The following WDR27 variants were observed in gnomAD, a reference collection of about 807,000 sequenced individuals.
WDR27 encodes WD repeat-containing protein 27.
Under a neutral mutation model 114.4 loss-of-function variants are expected in WDR27, and 100 were observed. That is an observed-to-expected ratio of 0.87 (90% CI 0.74 to 1.03). The LOEUF (loss-of-function observed/expected upper bound fraction) is 1.03. Ranked by LOEUF, WDR27 falls within the 50% of genes least tolerant of loss-of-function variation. The probability of loss-of-function intolerance (pLI) is 0.00; values close to 1 mark genes in which losing one functional copy is unlikely to be tolerated. For synonymous variants in WDR27, 449 were observed against 423.1 expected (o/e 1.06, Z -0.75); for missense variants, 1,129 against 1,092.9 (o/e 1.03, Z -0.47).
chr6:169,657,078 A>T (rs936301018), intron 13 of WDR27, among the ~76,000 whole-genome samples: 3 of 152,122 alleles, frequency 2.0e-5, no homozygotes, highest in African/African-American at 7.2e-5. Flanking sequence ...TCTTTCATGG[A>T]AACAGGGCGG....
chr6:169,427,808 C>T, the WDR27 span, among the ~76,000 whole-genome samples: 1 of 98,404 alleles, frequency 1.0e-5, no homozygotes, highest in South Asian at 2.7e-4. Flanking sequence ...CAAACAACAA[C>T]CAAAAAAAAA....
At chr6:169,662,897 G>A (rs1234540045) in intron 8 of WDR27, among the ~76,000 whole-genome samples, 2 of 144,998 alleles carry the variant, frequency 1.4e-5, no homozygotes, top group African/African-American at 5.2e-5. Flanking sequence ...AAAGCACTAA[G>A]GTAACACCCA....
chr6:169,482,126 T>A (rs574496081), intron 25 of WDR27, among the ~76,000 whole-genome samples: 5 of 152,234 alleles, frequency 3.3e-5, no homozygotes, highest in Non-Finnish European at 7.3e-5. Flanking sequence ...AAGGACATGA[T>A]CTTATCTTTT....
At chr6:169,443,908 C>T in the WDR27 span, among the ~76,000 whole-genome samples, 1 of 152,290 alleles carries the variant, frequency 6.6e-6, no homozygotes, top group East Asian at 1.9e-4. Context: ...GCATTGCCAC[C>T]TCCAGCAAGG....
At chr6:169,529,297 C>T (rs1376987409) in intron 25 of WDR27, among the ~76,000 whole-genome samples, 7 of 87,594 alleles carry the variant, frequency 8.0e-5, no homozygotes, top group African/African-American at 1.6e-4. Context: ...AGCACGTTAA[C>T]GGTGGTGACC....
intron 25 of WDR27, among the ~76,000 whole-genome samples, chr6:169,531,304 C>T (rs1209574810): frequency 2.0e-5 from 3 of 152,056 alleles, no homozygotes; most frequent in Non-Finnish European, 4.4e-5. Flanking sequence ...GGAGTTCATT[C>T]GTGTTGATTC....
chr6:169,426,835 C>A, the WDR27 span: 1 of 153,174 alleles, frequency 6.5e-6, no homozygotes, highest in South Asian at 2.1e-4. Context: ...CACACCCACT[C>A]AGCACCTGCC....
intron 8 of WDR27, chr6:169,663,729 T>C (rs1827000384): frequency 1.2e-5 from 2 of 171,708 alleles, no homozygotes. Flanking sequence ...GGAGACCAGG[T>C]GAGGATGTGA....
intron 17 of WDR27, among the ~76,000 whole-genome samples, chr6:169,641,619 T>C (rs1165424744): frequency 6.6e-6 from 1 of 152,184 alleles, no homozygotes; most frequent in African/African-American, 2.4e-5. Context: ...GAGGCCGGCG[T>C]GGGCAGTCCC....
intron 25 of WDR27, among the ~76,000 whole-genome samples, chr6:169,510,134 G>A (rs1326745464): frequency 6.6e-6 from 1 of 152,174 alleles, no homozygotes; most frequent in Non-Finnish European, 1.5e-5. Flanking sequence ...GGAAACAACA[G>A]GTGCTGGAGA....
At chr6:169,573,101 T>A (rs10945441) in intron 24 of WDR27, among the ~76,000 whole-genome samples, 71,587 of 151,846 alleles carry the variant, frequency 0.47, 20,215 homozygotes, top group Non-Finnish European at 0.65. Context: ...AGCCCGAGCC[T>A]CCCGGGGTGC....
At chr6:169,677,826 G>A (rs1046882680) in intron 2 of WDR27, among the ~76,000 whole-genome samples, 1 of 152,258 alleles carries the variant, frequency 6.6e-6, no homozygotes, top group Non-Finnish European at 1.5e-5. Flanking sequence ...GAGGACCCCA[G>A]ATACAGCTTG....
At position 169,516,788 on chromosome 6, in the gene WDR27, AACACACACAC is replaced by A. The variant is rs3032851; in HGVS notation, c.2645+55621_2645+55630del. On this transcript the variant is annotated intron_variant, in intron 25 of 25. Coordinates refer to ENST00000448612, the MANE Select transcript of WDR27 (RefSeq NM_182552.5). ...TGGCTGAGAGTTAAAGGCATGCTCC[AACACACACAC>A]ACACACACACACACACACACACACA... is the stretch of plus-strand genomic sequence containing the variant. Among the ~76,000 whole-genome samples the A allele has an allele frequency of 3.8e-3, 450 of 119,322 alleles. 2 individuals are homozygous for A. The highest frequency in any genetic ancestry group is 0.012 in the South Asian group (38 of 3,204). The allele number at this position is 119,322 out of a possible 152,430, so 78.3% of individuals were successfully genotyped here.
intron 25 of WDR27, among the ~76,000 whole-genome samples, chr6:169,477,719 C>A (rs1713739997): frequency 6.6e-6 from 1 of 152,140 alleles, no homozygotes; most frequent in Admixed American, 6.6e-5. Context: ...AAGGCGTGAT[C>A]CACTGTGCCT....
At chr6:169,436,384 T>G in the WDR27 span, among the ~76,000 whole-genome samples, 1 of 152,162 alleles carries the variant, frequency 6.6e-6, no homozygotes, top group Non-Finnish European at 1.5e-5. Flanking sequence ...CAAAATAATT[T>G]TTGTTGATGT....
chr6:169,462,330 G>C (rs1439740798), intron 25 of WDR27, among the ~76,000 whole-genome samples: 1 of 151,864 alleles, frequency 6.6e-6, no homozygotes, highest in African/African-American at 2.4e-5. Context: ...CCAGCTACTC[G>C]AGAGGCTGAG....
intron 17 of WDR27, among the ~76,000 whole-genome samples, chr6:169,642,967 C>G (rs539042584): frequency 2.0e-5 from 3 of 152,338 alleles, no homozygotes; most frequent in Admixed American, 1.3e-4. Flanking sequence ...ATCCAAAAAT[C>G]TGAAATCTGA....
chr6:169,536,005 G>A (rs1796156434), intron 25 of WDR27, among the ~76,000 whole-genome samples: 1 of 152,148 alleles, frequency 6.6e-6, no homozygotes, highest in African/African-American at 2.4e-5. Flanking sequence ...CTACACACAA[G>A]GCTGAGAGAT....
intron 21 of WDR27, among the ~76,000 whole-genome samples, chr6:169,632,137 G>A (rs528048815): frequency 4.0e-4 from 60 of 148,738 alleles, no homozygotes; most frequent in Non-Finnish European, 4.9e-4. Context: ...GCAGTGAGCC[G>A]AGATAGTGCC....
Sources: allele counts gnomAD v4.1 joint callset (sites outside exome capture counted in the v4.1 genomes callset), GRCh38; gene constraint gnomAD v4.1.1; transcripts MANE v1.5; gene names NCBI Gene and HGNC (gene_info 2026-07-23, HGNC 2026-07-21).